The following NOVA1 variants were observed in gnomAD, a reference collection of about 807,000 sequenced individuals.
NOVA1 encodes the protein NOVA alternative splicing regulator 1.
In NOVA1, 7 loss-of-function variants were observed where a neutral mutation model predicts 38.0. The ratio of observed to expected loss-of-function variants is 0.18; its 90% CI spans 0.10 to 0.35. The LOEUF (loss-of-function observed/expected upper bound fraction) is 0.35. NOVA1 is among the 10% of genes least tolerant of loss of function. The pLI is 1.00. For missense variants in NOVA1, 460 were observed against 616.0 expected, an observed-to-expected ratio of 0.75 and a Z score of 2.68; for synonymous variants, 270 against 232.5, an observed-to-expected ratio of 1.16 and a Z score of -1.47.
intron 2 of NOVA1, among the ~76,000 whole-genome samples, chr14:26,564,516 C>A (rs980798611): frequency 6.6e-6 from 1 of 152,098 alleles, no homozygotes. Context: ...TGGCAGAAGG[C>A]TCCAGAAACT....
intron 2 of NOVA1, among the ~76,000 whole-genome samples, chr14:26,589,897 T>A (rs1202588211): frequency 6.6e-6 from 1 of 151,852 alleles, no homozygotes; most frequent in African/African-American, 2.4e-5. Context: ...TATGGAAATT[T>A]CATCAACCCA....
intron 2 of NOVA1, among the ~76,000 whole-genome samples, chr14:26,542,374 G>T (rs1474744494): frequency 1.3e-5 from 2 of 151,582 alleles, no homozygotes; most frequent in South Asian, 2.1e-4. Flanking sequence ...TTACTTATTT[G>T]CCTGACTACA....
chr14:26,556,920 T>C (rs1333221127), intron 2 of NOVA1, among the ~76,000 whole-genome samples: 1 of 152,150 alleles, frequency 6.6e-6, no homozygotes, highest in Non-Finnish European at 1.5e-5. Flanking sequence ...TACTACAAAC[T>C]GGGTGGCTTA....
intron 3 of NOVA1, 75 bp downstream of exon 3, chr14:26,479,902 C>A (rs893101896): frequency 6.7e-7 from 1 of 1,498,624 alleles, no homozygotes; most frequent in African/African-American, 1.4e-5. Flanking sequence ...TATGCTAACA[C>A]TTTAAGGCTT....
intron 4 of NOVA1, among the ~76,000 whole-genome samples, chr14:26,458,597 A>G (rs1393825313): frequency 6.6e-6 from 1 of 152,210 alleles, no homozygotes; most frequent in Non-Finnish European, 1.5e-5. Flanking sequence ...GTTCTCCCTT[A>G]TGAGAGGGAA....
In NOVA1 at chr14:26,528,752, G is replaced by A. The variant is rs533344416; in HGVS notation, c.281-48609C>T. On this transcript the variant is annotated intron_variant, in intron 2 of 4. Coordinates refer to ENST00000539517, the MANE Select transcript of NOVA1 (RefSeq NM_002515.3). The stretch of plus-strand genomic sequence containing the variant: ...AAGCCACATAACAAGATTAATTTTC[G>A]GGACACTGTTATGATTCCCTTTAGC... Among the ~76,000 whole-genome samples the A allele has an allele frequency of 1.6e-4, 24 of 152,176 alleles. No homozygotes were observed. In the South Asian group the frequency reaches 3.7e-3, roughly 24 times the overall value.
At position 26,597,278 on chromosome 14, in the gene NOVA1, G is replaced by C. The variant is rs201267272; in HGVS notation, c.136+23C>G. ...GCGGGCGGCGGGGGATGGGGCCAGC[G>C]GGGAGGTGGAAGCGATACCCACCGC... On this transcript the variant is annotated intron_variant, in intron 1 of 4. Transcript: ENST00000539517. 104 of 1,241,512 alleles carry C rather than the reference G, an allele frequency of 8.4e-5. 4 individuals carry two copies. The East Asian group carries it at 1.1e-3, about 13-fold the overall frequency. The allele number at this position is 1,241,512 out of a possible 1,614,324, so 76.9% of individuals were successfully genotyped here.
intron 2 of NOVA1, among the ~76,000 whole-genome samples, chr14:26,587,473 T>C (rs1281714899): frequency 6.6e-6 from 1 of 151,110 alleles, no homozygotes; most frequent in Non-Finnish European, 1.5e-5. Flanking sequence ...AGGAAGCATC[T>C]GATAAATATG....
intron 2 of NOVA1, among the ~76,000 whole-genome samples, chr14:26,568,762 G>T (rs1892290218): frequency 6.6e-6 from 1 of 152,080 alleles, no homozygotes; most frequent in South Asian, 2.1e-4. Context: ...TGTTCCAGGT[G>T]GGCAGCCTGA....
At chr14:26,569,647 AT>A (rs1248935413) in intron 2 of NOVA1, among the ~76,000 whole-genome samples, 1 of 152,200 alleles carries the variant, frequency 6.6e-6, no homozygotes, top group Non-Finnish European at 1.5e-5. Flanking sequence ...CCTTAGATCT[AT>A]ATATACAATT....
chr14:26,505,659 A>G (rs976803507), intron 2 of NOVA1, among the ~76,000 whole-genome samples: 3 of 152,198 alleles, frequency 2.0e-5, no homozygotes, highest in African/African-American at 4.8e-5. Flanking sequence ...ATACACACAT[A>G]TATGCCTGAT....
intron 2 of NOVA1, among the ~76,000 whole-genome samples, chr14:26,592,058 A>G (rs1893883631): frequency 6.6e-6 from 1 of 151,554 alleles, no homozygotes. Context: ...AAATAAGTAT[A>G]CTATGATATG....
chr14:26,569,250 G>A (rs565077739), intron 2 of NOVA1, among the ~76,000 whole-genome samples: 13 of 152,158 alleles, frequency 8.5e-5, no homozygotes, highest in African/African-American at 2.4e-4. Flanking sequence ...AAAAAAATCC[G>A]AGAAAGGGTC....
chr14:26,528,227 C>G (rs1889438199), intron 2 of NOVA1, among the ~76,000 whole-genome samples: 1 of 152,146 alleles, frequency 6.6e-6, no homozygotes, highest in South Asian at 2.1e-4. Flanking sequence ...TTGGAAGACT[C>G]TAACCTGTTG....
At chr14:26,575,932 C>CTCTA (rs1028267172) in intron 2 of NOVA1, among the ~76,000 whole-genome samples, 1 of 151,858 alleles carries the variant, frequency 6.6e-6, no homozygotes, top group Non-Finnish European at 1.5e-5. Context: ...GATAAATGAA[C>CTCTA]TCTATCAACC....
At chr14:26,574,850 CAG>C (rs1440095230) in intron 2 of NOVA1, among the ~76,000 whole-genome samples, 1 of 151,878 alleles carries the variant, frequency 6.6e-6, no homozygotes, top group Non-Finnish European at 1.5e-5. Context: ...TTTGTAGAGA[CAG>C]AGTCTCACTC....
chr14:26,532,984 A>G (rs1266843274), intron 2 of NOVA1, among the ~76,000 whole-genome samples: 4 of 152,358 alleles, frequency 2.6e-5, no homozygotes, highest in Non-Finnish European at 5.9e-5. Context: ...TATATTGTCT[A>G]TAATAGATAA....
intron 2 of NOVA1, chr14:26,592,879 C>T (rs1355092871): frequency 2.0e-5 from 3 of 151,650 alleles, no homozygotes; most frequent in African/African-American, 4.8e-5. Flanking sequence ...CGAAAACACA[C>T]TAGTATTTTA....
intron 4 of NOVA1, among the ~76,000 whole-genome samples, chr14:26,462,492 G>T (rs927661226): frequency 6.6e-6 from 1 of 152,168 alleles, no homozygotes; most frequent in Non-Finnish European, 1.5e-5. Context: ...TTCAAATATA[G>T]ATGCAAAATC....
Sources: gnomAD v4.1 joint callset for allele counts (sites outside exome capture counted in the v4.1 genomes callset) on GRCh38, gnomAD v4.1.1 for gene constraint, MANE v1.5 for transcripts, NCBI Gene and HGNC (gene_info 2026-07-23, HGNC 2026-07-21) for gene names.